PTPRK: variants seen among roughly 807,000 people sequenced by gnomAD.
The protein encoded by PTPRK is receptor-type tyrosine-protein phosphatase kappa.
Under a neutral mutation model 178.0 loss-of-function variants are expected in PTPRK, and 75 were observed. That is an observed-to-expected ratio of 0.42 (90% CI 0.35 to 0.51). PTPRK has a LOEUF of 0.51. Ranked by LOEUF, PTPRK falls within the 20% of genes least tolerant of loss-of-function variation. PTPRK has a pLI of 0.02. For missense variants in PTPRK, 1,441 were observed against 1,797.8 expected (o/e 0.80, Z 3.59); for synonymous variants, 637 against 620.6 (o/e 1.03, Z -0.39).
intron 13 of PTPRK, among the ~76,000 whole-genome samples, chr6:128,054,970 G>A (rs1779655065): frequency 6.6e-6 from 1 of 152,082 alleles, no homozygotes; most frequent in African/African-American, 2.4e-5. Flanking sequence ...GGTGGTGACT[G>A]TATGACTTTT....
intron 14 of PTPRK, among the ~76,000 whole-genome samples, chr6:128,008,779 C>A (rs1265040653): frequency 1.3e-5 from 2 of 150,844 alleles, no homozygotes; most frequent in South Asian, 2.1e-4. Flanking sequence ...ATTCCTAGAC[C>A]ACAGCCCAAG....
chr6:128,099,548 G>C (rs888331256), intron 7 of PTPRK, among the ~76,000 whole-genome samples: 1 of 151,940 alleles, frequency 6.6e-6, no homozygotes, highest in African/African-American at 2.4e-5. Context: ...ACTTATTAGA[G>C]AGACTAATTT....
intron 14 of PTPRK, among the ~76,000 whole-genome samples, chr6:128,008,550 G>C (rs1167718652): frequency 6.6e-6 from 1 of 150,886 alleles, no homozygotes; most frequent in Admixed American, 6.6e-5. Context: ...AATTCCAGTA[G>C]GTCTCAGTAT....
intron 7 of PTPRK, among the ~76,000 whole-genome samples, chr6:128,177,115 C>G (rs543022392): frequency 6.6e-6 from 1 of 151,808 alleles, no homozygotes; most frequent in South Asian, 2.1e-4. Context: ...ATAGCACCAT[C>G]AAAGAAAAGT....
chr6:128,104,730 G>A (rs542979668), intron 7 of PTPRK, among the ~76,000 whole-genome samples: 1 of 152,294 alleles, frequency 6.6e-6, no homozygotes, highest in African/African-American at 2.4e-5. Flanking sequence ...GCTTATGTCT[G>A]AATGTCTTTA....
intron 3 of PTPRK, among the ~76,000 whole-genome samples, chr6:128,261,324 G>C (rs1374109901): frequency 1.3e-5 from 2 of 152,126 alleles, no homozygotes; most frequent in African/African-American, 4.8e-5. Flanking sequence ...TAATGTTCTA[G>C]AGGGCAAAAG....
intron 3 of PTPRK, among the ~76,000 whole-genome samples, chr6:128,248,914 T>C (rs999234817): frequency 3.3e-5 from 5 of 152,164 alleles, no homozygotes; most frequent in African/African-American, 7.2e-5. Flanking sequence ...TGGTAGCGAG[T>C]ATTTGTGTAT....
At chr6:128,056,898 G>T (rs568476620) in intron 13 of PTPRK, among the ~76,000 whole-genome samples, 1 of 152,246 alleles carries the variant, frequency 6.6e-6, no homozygotes, top group East Asian at 1.9e-4. Flanking sequence ...TATATAAGCT[G>T]GTATACAATC....
At chr6:128,041,053 T>C (rs944546565) in intron 13 of PTPRK, among the ~76,000 whole-genome samples, 2 of 152,132 alleles carry the variant, frequency 1.3e-5, no homozygotes, top group East Asian at 1.9e-4. Context: ...CATTTTTTAA[T>C]AACCCATTTT....
chr6:128,310,230 G>A (rs1827033831), intron 3 of PTPRK, among the ~76,000 whole-genome samples: 1 of 152,148 alleles, frequency 6.6e-6, no homozygotes, highest in Non-Finnish European at 1.5e-5. Context: ...ACTGGGTGTA[G>A]AGATGATTTG....
chr6:128,355,663 G>A (rs560984376), intron 2 of PTPRK, among the ~76,000 whole-genome samples: 237 of 152,244 alleles, frequency 1.6e-3, no homozygotes, highest in Non-Finnish European at 2.8e-3. Flanking sequence ...GGAGGACGGC[G>A]GAGGGATAGC....
intron 1 of PTPRK, among the ~76,000 whole-genome samples, chr6:128,467,471 C>T (rs2128416280): frequency 6.6e-6 from 1 of 152,320 alleles, no homozygotes; most frequent in Middle Eastern, 3.4e-3. Flanking sequence ...TACATCCTAA[C>T]CGTAAGAAAA....
intron 7 of PTPRK, among the ~76,000 whole-genome samples, chr6:128,160,702 T>C (rs76928661): frequency 0.022 from 3,317 of 151,692 alleles, 99 homozygotes; most frequent in African/African-American, 0.046. Flanking sequence ...ATAATGGAGG[T>C]GAATCCTTAG....
chr6:128,065,503 G>C (rs1781591556), intron 12 of PTPRK, among the ~76,000 whole-genome samples: 1 of 152,080 alleles, frequency 6.6e-6, no homozygotes, highest in Non-Finnish European at 1.5e-5. Flanking sequence ...TCCTCCTCTA[G>C]GACTTAATTG....
chr6:128,160,310 C>T lies in PTPRK; in HGVS notation c.1162+24122G>A, dbSNP rs1327345911. Among the ~76,000 whole-genome samples the T allele has an allele frequency of 5.3e-5, 8 of 151,724 alleles. No individual in the cohort carries two copies. The South Asian group carries it at 8.3e-4, about 16-fold the overall frequency. On this transcript the variant is annotated intron_variant, in intron 7 of 29. Coordinates refer to ENST00000368226, the MANE Select transcript of PTPRK (RefSeq NM_002844.4). ...TTATACACATACATAAACAGATACA[C>T]AGCATATTTGTGGTATTAAAAATTT...
At chr6:128,278,141 T>G (rs1200640363) in intron 3 of PTPRK, among the ~76,000 whole-genome samples, 1 of 149,396 alleles carries the variant, frequency 6.7e-6, no homozygotes, top group Non-Finnish European at 1.5e-5. Context: ...ATTTATTTAT[T>G]TATTTATTTA....
chr6:128,256,679 G>T (rs1015375306), intron 3 of PTPRK, among the ~76,000 whole-genome samples: 26 of 151,620 alleles, frequency 1.7e-4, no homozygotes, highest in African/African-American at 6.3e-4. Context: ...CTCGTGATCC[G>T]CCCGCCTCAG....
At chr6:128,081,801 G>A (rs1034928669) in intron 10 of PTPRK, among the ~76,000 whole-genome samples, 2 of 151,956 alleles carry the variant, frequency 1.3e-5, no homozygotes, top group African/African-American at 4.8e-5. Context: ...ATTTAATCAG[G>A]TTTAACTGAT....
chr6:128,479,381 C>A (rs560471327), intron 1 of PTPRK, among the ~76,000 whole-genome samples: 1 of 152,020 alleles, frequency 6.6e-6, no homozygotes, highest in Non-Finnish European at 1.5e-5. Context: ...TGCTTTAAGC[C>A]GTATGAACTA....
Sources: allele counts gnomAD v4.1 joint callset (sites outside exome capture counted in the v4.1 genomes callset), GRCh38; gene constraint gnomAD v4.1.1; transcripts MANE v1.5; gene names NCBI Gene and HGNC (gene_info 2026-07-23, HGNC 2026-07-21).